The following PLXNA2 variants were observed in gnomAD, a reference collection of about 807,000 sequenced individuals.
The protein encoded by PLXNA2 is plexin-A2.
In PLXNA2, 91 loss-of-function variants were observed where a neutral mutation model predicts 193.5. The observed-to-expected ratio is 0.47, with a 90% confidence interval of 0.40 to 0.56. The LOEUF (loss-of-function observed/expected upper bound fraction) is 0.56. Among genes scored for constraint, PLXNA2 ranks in the 20% least tolerant of loss-of-function variants. The pLI is 0.00. For synonymous variants in PLXNA2, 997 were observed against 1,027.3 expected, an observed-to-expected ratio of 0.97 and a Z score of 0.56; for missense variants, 1,995 against 2,503.2, an observed-to-expected ratio of 0.80 and a Z score of 4.33.
At chr1:208,242,350 T>C (rs1672085552) in intron 1 of PLXNA2, among the ~76,000 whole-genome samples, 1 of 152,178 alleles carries the variant, frequency 6.6e-6, no homozygotes, top group African/African-American at 2.4e-5. Flanking sequence ...GCCAAGATAC[T>C]CATCTTGGCC....
chr1:208,065,732 G>T (rs1480952839), intron 12 of PLXNA2, among the ~76,000 whole-genome samples: 1 of 152,224 alleles, frequency 6.6e-6, no homozygotes, highest in East Asian at 1.9e-4. Context: ...CTGAGCTTGG[G>T]CAGGGAGTAG....
chr1:208,109,990 G>T (rs190528024), intron 4 of PLXNA2, among the ~76,000 whole-genome samples: 1 of 152,286 alleles, frequency 6.6e-6, no homozygotes, highest in Non-Finnish European at 1.5e-5. Context: ...TCTGTAAATG[G>T]GTGCAATTAA....
Position 208,170,525 on chromosome 1 carries a change from G to A in PLXNA2, c.1372-28062C>T, listed in dbSNP as rs181597487. On this transcript the variant is annotated intron_variant, in intron 3 of 31. Coordinates refer to ENST00000367033, the MANE Select transcript of PLXNA2 (RefSeq NM_025179.4). ...GTGGGGCTGGATGCCTGCCAGAGCC[G>A]GGGCATGAGGCTGGCTAGCAGGCAA... is the stretch of plus-strand genomic sequence containing the variant. 7.1e-3 allele frequency among the ~76,000 whole-genome samples: 1,075 copies of A among 152,312 alleles called. 14 individuals carry two copies. Among genetic ancestry groups the A allele is most frequent in the African/African-American group, 0.024 (992 of 41,572 alleles).
rs189286073 is a variant in PLXNA2, at chr1:208,216,078, C to T, written c.1188+657G>A. Among the ~76,000 whole-genome samples the T allele has an allele frequency of 1.3e-4, 20 of 152,322 alleles. No individual in the cohort carries two copies. The East Asian group carries it at 3.7e-3, about 28-fold the overall frequency. ...CAGCTCTGTGTGTACATGACCTGGT[C>T]CCCATTACTTCTGATGGACCCCATC... is the stretch of plus-strand genomic sequence containing the variant. On this transcript the variant is annotated intron_variant, in intron 2 of 31. Coordinates refer to ENST00000367033, the MANE Select transcript of PLXNA2 (RefSeq NM_025179.4).
In PLXNA2 at chr1:208,046,041, T is replaced by A; in HGVS notation, c.3332A>T (p.Asp1111Val). The A allele has an allele frequency of 6.2e-7, 1 of 1,614,248 alleles. No homozygotes were observed. The change falls in exon 18 of 32, where the codon GAC (aspartate) becomes GTC (valine). Residue 1111 changes from aspartate to valine, a missense_variant. Physicochemically the swap from Asp to Val is radical, Grantham distance 152. This residue lies in a region of PLXNA2 where 1,291 missense variants were observed against 1,673.6 expected (regional missense o/e 0.77). Coordinates refer to ENST00000367033, the MANE Select transcript of PLXNA2 (RefSeq NM_025179.4). Reference protein sequence around the residue: ...SLTTDYRPGLDTVERPDEFGF... With the variant: ...SLTTDYRPGLVTVERPDEFGF... ...AAACTCATCTGGGCGTTCCACAGTG[T>A]CCAGGCCAGGGCGGTAGTCCGTGGT...
chr1:208,029,019 T>C lies in PLXNA2; in HGVS notation c.5249A>G (p.Asn1750Ser), dbSNP rs1419361117. The C allele has an allele frequency of 6.2e-7, 1 of 1,613,704 alleles. No individual in the cohort carries two copies. The highest frequency in any genetic ancestry group is 8.5e-7 in the Non-Finnish European group (1 of 1,179,976). Residue 1750 changes from asparagine to serine, a missense_variant, in exon 30 of 32, where the codon AAC becomes AGC. Around this residue, in one of 3 missense-constraint regions of PLXNA2, gnomAD observed 1,291 missense variants for 1,673.6 expected, o/e 0.77. Coordinates refer to ENST00000367033, the MANE Select transcript of PLXNA2 (RefSeq NM_025179.4). ...SNCLPLRFWV[N>S]VIKNPQFVFD... ...CACGAACTGGGGGTTCTTAATCACGTTCACCCAGAAGCGCAGAGGGAGGCT... is the reference window on the plus strand; with the variant it reads ...CACGAACTGGGGGTTCTTAATCACGCTCACCCAGAAGCGCAGAGGGAGGCT...
intron 9 of PLXNA2, among the ~76,000 whole-genome samples, chr1:208,089,881 C>G (rs1241641783): frequency 1.3e-5 from 2 of 152,084 alleles, no homozygotes; most frequent in African/African-American, 4.8e-5. Flanking sequence ...ATGAAACTAT[C>G]AGCTGGGACG....
intron 27 of PLXNA2, 100 bp downstream of exon 27, chr1:208,034,393 C>A: frequency 1.3e-6 from 1 of 755,730 alleles, no homozygotes; most frequent in Non-Finnish European, 2.3e-6. Context: ...GGGCCAGCAG[C>A]AGCAAGGGCT....
chr1:208,143,481 C>G (rs947240446), intron 3 of PLXNA2, among the ~76,000 whole-genome samples: 1 of 152,192 alleles, frequency 6.6e-6, no homozygotes, highest in African/African-American at 2.4e-5. Context: ...CAATGCTGAC[C>G]TCAAAGAAAA....
chr1:208,049,892 C>A (rs552383491), intron 17 of PLXNA2, among the ~76,000 whole-genome samples: 1 of 152,272 alleles, frequency 6.6e-6, no homozygotes, highest in African/African-American at 2.4e-5. Flanking sequence ...TCTAGTCAAG[C>A]CCCTGAAGGT....
At chr1:208,200,514 G>A (rs1456771608) in intron 3 of PLXNA2, among the ~76,000 whole-genome samples, 2 of 149,844 alleles carry the variant, frequency 1.3e-5, no homozygotes, top group Non-Finnish European at 3.0e-5. Flanking sequence ...CCCCAAGTAA[G>A]TCCATAATCT....
At chr1:208,198,918 A>G (rs1199049699) in intron 3 of PLXNA2, among the ~76,000 whole-genome samples, 1 of 152,228 alleles carries the variant, frequency 6.6e-6, no homozygotes, top group Non-Finnish European at 1.5e-5. Flanking sequence ...TCAGCTTGTT[A>G]TATGTAAAAT....
chr1:208,051,130 T>TA (rs1665245484), intron 16 of PLXNA2, 28 bp from the exon 17 acceptor site: 18 of 1,604,418 alleles, frequency 1.1e-5, no homozygotes, highest in Admixed American at 1.7e-5. Context: ...CTCGGTTAGG[T>TA]AAAAAACCCC....
rs745815770 is a variant in PLXNA2 at position 208,051,243 on chromosome 1, C to T, written c.3161+13G>A. The T allele has an allele frequency of 6.2e-6, 10 of 1,601,670 alleles. No individual in the cohort carries two copies. Among genetic ancestry groups the T allele is most frequent in the Non-Finnish European group, 8.5e-6 (10 of 1,172,160 alleles). On this transcript the variant is annotated intron_variant, in intron 16 of 31. Coordinates refer to ENST00000367033, the MANE Select transcript of PLXNA2 (RefSeq NM_025179.4). The stretch of plus-strand genomic sequence containing the variant: ...GTGGCTTCCAGGTGCATCCCTCCCA[C>T]CTTCCACCTCACCTGGCAATGCTCC...
chr1:208,145,753 G>A (rs1017862436), intron 3 of PLXNA2, among the ~76,000 whole-genome samples: 1 of 152,186 alleles, frequency 6.6e-6, no homozygotes, highest in East Asian at 1.9e-4. Context: ...TAATCTGAAG[G>A]TTTTTCTTTT....
intron 12 of PLXNA2, among the ~76,000 whole-genome samples, chr1:208,062,273 C>T (rs913725562): frequency 6.6e-6 from 1 of 152,112 alleles, no homozygotes; most frequent in East Asian, 1.9e-4. Context: ...TACAGGTGAG[C>T]ATGCTGTAGA....
intron 21 of PLXNA2, 146 bp downstream of exon 21, chr1:208,042,915 A>G (rs1664922995): frequency 1.4e-6 from 1 of 729,418 alleles, no homozygotes; most frequent in South Asian, 2.1e-5. Context: ...CCTTCCTGAT[A>G]GCTCTGTTGC....
intron 9 of PLXNA2, among the ~76,000 whole-genome samples, chr1:208,091,897 T>A (rs896653375): frequency 5.3e-5 from 8 of 151,832 alleles, no homozygotes; most frequent in Non-Finnish European, 1.0e-4. Context: ...TGTAGTTGTA[T>A]ATAAAAATGC....
chr1:208,150,286 A>G (rs1668719014), intron 3 of PLXNA2, among the ~76,000 whole-genome samples: 1 of 152,196 alleles, frequency 6.6e-6, no homozygotes, highest in African/African-American at 2.4e-5. Context: ...GGAGATTGAC[A>G]TTTCCATGTA....
Sources: gnomAD v4.1 joint callset for allele counts (sites outside exome capture counted in the v4.1 genomes callset) on GRCh38, gnomAD v4.1.1 for gene constraint, gnomAD v4.1.1 regional missense constraint, MANE v1.5 for transcripts, NCBI Gene and HGNC (gene_info 2026-07-23, HGNC 2026-07-21) for gene names.